The following CHAC2 variants were observed in gnomAD, a reference collection of about 807,000 sequenced individuals.
CHAC2 encodes glutathione-specific gamma-glutamylcyclotransferase 2.
In CHAC2, 20 loss-of-function variants were observed where a neutral mutation model predicts 16.9. The observed-to-expected ratio is 1.18, with a 90% CI of 0.83 to 1.72. The LOEUF is 1.72. Among genes scored for constraint, CHAC2 ranks in the 40% most tolerant of loss-of-function variants. CHAC2 has a pLI of 0.00. For synonymous variants in CHAC2, 91 were observed against 77.3 expected (o/e 1.18, Z -0.93); for missense variants, 269 against 222.2 (o/e 1.21, Z -1.34).
At chr2:53,768,457 A>G (rs1673655104) in intron 1 of CHAC2, among the ~76,000 whole-genome samples, 1 of 152,248 alleles carries the variant, frequency 6.6e-6, no homozygotes, top group South Asian at 2.1e-4. Flanking sequence ...TCTGCATTCT[A>G]GCCGACTTTC....
intron 1 of CHAC2, chr2:53,768,327 A>C: frequency 3.7e-6 from 1 of 273,262 alleles, no homozygotes; most frequent in East Asian, 6.6e-5. Context: ...TCTCTCTGCA[A>C]CCTCTGCCAA....
rs1435847091 is a variant in CHAC2, at chr2:53,774,558, A to G, written c.*33A>G. 2 of 1,425,680 alleles carry G rather than the reference A, an allele frequency of 1.4e-6. No homozygotes were observed. The highest frequency in any genetic ancestry group is 5.1e-5 in the Admixed American group (2 of 39,350). The allele number at this position is 1,425,680 out of a possible 1,614,324, so 88.3% of individuals were successfully genotyped here. A position where few individuals can be genotyped will look rare whatever the true frequency, so the allele number is the denominator to read the frequency against. Reference sequence around the variant, plus strand: ...TTCAGAGAATTAACTTCAGTGCACAATGACAATATGATTTGGAAATACGTT... The same window carrying G: ...TTCAGAGAATTAACTTCAGTGCACAGTGACAATATGATTTGGAAATACGTT... On this transcript the variant is annotated 3_prime_UTR_variant, in exon 3 of 3. Coordinates refer to ENST00000295304, the MANE Select transcript of CHAC2 (RefSeq NM_001008708.4).
rs1346349462 is a variant in CHAC2, at chr2:53,774,283, A to G, written c.313A>G (p.Ser105Gly). The G allele has an allele frequency of 6.2e-7, 1 of 1,614,180 alleles. No homozygotes were observed. The highest frequency in any genetic ancestry group is 1.7e-5 in the Admixed American group (1 of 60,018). The part of the protein sequence containing the change: ...YPKDPTTKPF[S>G]VLLYIGTCDN... ...AAAAGATCCCACAACAAAACCATTCAGTGTATTGCTATATATTGGAACATG... is the reference window on the plus strand; with the variant it reads ...AAAAGATCCCACAACAAAACCATTCGGTGTATTGCTATATATTGGAACATG... Residue 105 changes from serine to glycine, a missense_variant, in exon 3 of 3, where the codon AGT becomes GGT. Coordinates refer to ENST00000295304, the MANE Select transcript of CHAC2 (RefSeq NM_001008708.4).
intron 1 of CHAC2, among the ~76,000 whole-genome samples, chr2:53,769,063 G>C (rs1673704824): frequency 1.3e-5 from 2 of 152,186 alleles, no homozygotes; most frequent in Non-Finnish European, 2.9e-5. Flanking sequence ...TGGCCTATTG[G>C]GATGTTGGAC....
chr2:53,768,069 T>C (rs757361617), intron 1 of CHAC2, 48 bp downstream of exon 1: 2 of 1,600,756 alleles, frequency 1.2e-6, no homozygotes, highest in Non-Finnish European at 1.7e-6. Context: ...TGACCCCTGC[T>C]CCCCAACTCC....
chr2:53,773,692 G>A (rs1293793062), intron 2 of CHAC2, among the ~76,000 whole-genome samples: 2 of 151,464 alleles, frequency 1.3e-5, no homozygotes, highest in African/African-American at 2.4e-5. Flanking sequence ...GCCTCCCAAA[G>A]TGCTGGTATT....
chr2:53,772,011 T>A, intron 2 of CHAC2, 69 bp downstream of exon 2: 1 of 893,252 alleles, frequency 1.1e-6, no homozygotes, highest in Non-Finnish European at 1.7e-6. Context: ...CTGTTTCAAT[T>A]TGATTAACAA....
At chr2:53,773,312 C>T (rs76450804) in intron 2 of CHAC2, among the ~76,000 whole-genome samples, 1 of 150,082 alleles carries the variant, frequency 6.7e-6, no homozygotes, top group African/African-American at 2.5e-5. Context: ...GATAAAATAT[C>T]TTGCTGTGCC....
chr2:53,774,599 T>C lies in CHAC2; in HGVS notation c.*74T>C. ...GAAATACGTTTACTTAAAGATCTTA[T>C]TTTTAATGTAGTGAGGATATTATTT... is the stretch of plus-strand genomic sequence containing the variant. On this transcript the variant is annotated 3_prime_UTR_variant, in exon 3 of 3. Transcript: ENST00000295304. The C allele has an allele frequency of 8.8e-7, 1 of 1,131,572 alleles. No homozygotes were observed. The allele number at this position is 1,131,572 out of a possible 1,614,324, so 70.1% of individuals were successfully genotyped here.
chr2:53,774,319 G>A lies in CHAC2; in HGVS notation c.349G>A (p.Asp117Asn), dbSNP rs1168067933. Residue 117 changes from aspartate (D) to asparagine (N), a missense_variant, in exon 3 of 3, where the codon GAT (aspartate) becomes AAT (asparagine). Physicochemically the swap from Asp to Asn is conservative, Grantham distance 23 (BLOSUM62 1). Coordinates refer to ENST00000295304, the MANE Select transcript of CHAC2 (RefSeq NM_001008708.4). ...LLYIGTCDNPDYLGPAPLEDI... is the reference protein window; with the variant it reads ...LLYIGTCDNPNYLGPAPLEDI... ...ATATATTGGAACATGTGATAATCCT[G>A]ATTATCTTGGTCCTGCACCTCTGGA... is the stretch of plus-strand genomic sequence containing the variant. The A allele has an allele frequency of 6.2e-7, 1 of 1,613,594 alleles. No individual in the cohort carries two copies. The highest frequency in any genetic ancestry group is 8.5e-7 in the Non-Finnish European group (1 of 1,179,930).
At chr2:53,768,096 C>A in intron 1 of CHAC2, 75 bp downstream of exon 1, 2 of 1,536,036 alleles carry the variant, frequency 1.3e-6, no homozygotes, top group Non-Finnish European at 1.8e-6. Context: ...AGCACCCACA[C>A]CCTAGAGAAC....
At position 53,774,226 on chromosome 2, in the gene CHAC2, G is replaced by A. The variant is rs776809846; in HGVS notation, c.256G>A (p.Gly86Ser). The change falls in exon 3 of 3, where the codon GGC becomes AGC. Residue 86 changes from glycine to serine, a missense_variant. Physicochemically the swap from Gly to Ser is moderately conservative, Grantham distance 56. Coordinates refer to ENST00000295304, the MANE Select transcript of CHAC2 (RefSeq NM_001008708.4). The part of the protein sequence containing the change: ...KAYLDFREKG[G>S]YRTTTVIFYP... ...ATACCTTGACTTCAGAGAAAAAGGAGGCTACAGAACCACAACAGTCATTTT... is the reference window on the plus strand; with the variant it reads ...ATACCTTGACTTCAGAGAAAAAGGAAGCTACAGAACCACAACAGTCATTTT... The A allele has an allele frequency of 1.5e-5, 24 of 1,613,902 alleles. 1 individual carries two copies. In the South Asian group the frequency reaches 2.6e-4, roughly 18 times the overall value.
chr2:53,768,137 C>A, intron 1 of CHAC2, 116 bp downstream of exon 1: 1 of 1,209,874 alleles, frequency 8.3e-7, no homozygotes. Context: ...GGCCAAAGCA[C>A]ATGGCTTGGG....
intron 2 of CHAC2, among the ~76,000 whole-genome samples, chr2:53,772,302 G>A (rs1358567325): frequency 6.6e-6 from 1 of 152,032 alleles, no homozygotes; most frequent in Non-Finnish European, 1.5e-5. Flanking sequence ...AGCCTCCCAA[G>A]TAGCTGGGAC....
intron 1 of CHAC2, among the ~76,000 whole-genome samples, chr2:53,770,800 A>T (rs1392068502): frequency 6.6e-6 from 1 of 152,228 alleles, no homozygotes; most frequent in African/African-American, 2.4e-5. Context: ...TGATTGTCCC[A>T]TATAAGAACT....
At chr2:53,768,058 C>G in intron 1 of CHAC2, 37 bp downstream of exon 1, 3 of 1,606,458 alleles carry the variant, frequency 1.9e-6, no homozygotes, top group Non-Finnish European at 2.5e-6. Context: ...TTACTGCCCC[C>G]TGACCCCTGC....
chr2:53,771,848 T>G, intron 1 of CHAC2, 59 bp from the exon 2 acceptor site: 1 of 909,396 alleles, frequency 1.1e-6, no homozygotes, highest in East Asian at 2.4e-5. Context: ...TTGCTAATGC[T>G]CAGCTACTTA....
intron 2 of CHAC2, among the ~76,000 whole-genome samples, 191 bp downstream of exon 2, chr2:53,772,133 C>T (rs1673965170): frequency 6.6e-6 from 1 of 151,948 alleles, no homozygotes; most frequent in African/African-American, 2.4e-5. Flanking sequence ...ATGCAGAGTG[C>T]AAGGTAGACA....
chr2:53,772,333 T>C (rs1455825222), intron 2 of CHAC2, among the ~76,000 whole-genome samples: 3 of 152,082 alleles, frequency 2.0e-5, no homozygotes, highest in East Asian at 1.9e-4. Flanking sequence ...CGCCACCATG[T>C]CTGGCTAATT....
Sources: gnomAD v4.1 joint callset for allele counts (sites outside exome capture counted in the v4.1 genomes callset) on GRCh38, gnomAD v4.1.1 for gene constraint, MANE v1.5 for transcripts, NCBI Gene and HGNC (gene_info 2026-07-23, HGNC 2026-07-21) for gene names.